SLC25A21: variants seen among roughly 807,000 people sequenced by gnomAD.
SLC25A21 encodes mitochondrial 2-oxodicarboxylate carrier.
SLC25A21 carries 47 observed loss-of-function variants against 43.8 expected under a neutral mutation model. The observed-to-expected ratio is 1.07, with a 90% CI of 0.85 to 1.37. The LOEUF is 1.37. SLC25A21 is among the 40% of genes most tolerant of loss of function. SLC25A21 has a pLI of 0.00. For synonymous variants in SLC25A21, 131 were observed against 121.3 expected, an observed-to-expected ratio of 1.08 and a Z score of -0.52; for missense variants, 352 against 350.2, an observed-to-expected ratio of 1.00 and a Z score of -0.04.
intron 7 of SLC25A21, among the ~76,000 whole-genome samples, chr14:36,693,509 A>C (rs1375997888): frequency 1.3e-5 from 2 of 152,238 alleles, no homozygotes; most frequent in Non-Finnish European, 2.9e-5. Context: ...AGTGAATGTA[A>C]AATTTTGAAT....
At chr14:36,829,370 C>T (rs1016761404) in intron 2 of SLC25A21, among the ~76,000 whole-genome samples, 1 of 152,122 alleles carries the variant, frequency 6.6e-6, no homozygotes, top group African/African-American at 2.4e-5. Flanking sequence ...GGTTCCTTCC[C>T]GCAAGGCTTC....
chr14:36,829,677 G>C (rs1888964083), intron 2 of SLC25A21, among the ~76,000 whole-genome samples: 1 of 150,114 alleles, frequency 6.7e-6, no homozygotes, highest in Non-Finnish European at 1.5e-5. Context: ...CAATTCTCTA[G>C]GAGGTTATCC....
intron 2 of SLC25A21, among the ~76,000 whole-genome samples, chr14:36,850,407 G>C (rs1412620852): frequency 4.6e-5 from 7 of 152,076 alleles, no homozygotes; most frequent in African/African-American, 4.8e-5. Context: ...TTCAAACCCA[G>C]GCTCGTTTTG....
intron 7 of SLC25A21, among the ~76,000 whole-genome samples, chr14:36,696,770 T>A (rs990579134): frequency 3.3e-5 from 5 of 152,242 alleles, no homozygotes; most frequent in Admixed American, 6.5e-5. Context: ...TTTATCATTT[T>A]TTATTGCATC....
chr14:37,014,479 G>C (rs1353523865), intron 1 of SLC25A21, among the ~76,000 whole-genome samples: 1 of 152,042 alleles, frequency 6.6e-6, no homozygotes, highest in Non-Finnish European at 1.5e-5. Flanking sequence ...TCCTGAGATT[G>C]AGCAATTCAC....
At chr14:36,897,207 G>A (rs1247421152) in intron 1 of SLC25A21, among the ~76,000 whole-genome samples, 1 of 152,114 alleles carries the variant, frequency 6.6e-6, no homozygotes, top group Non-Finnish European at 1.5e-5. Context: ...TTTTCACATA[G>A]TCCCATATTT....
chr14:36,749,113 T>C (rs1885608342), intron 3 of SLC25A21, among the ~76,000 whole-genome samples: 1 of 152,180 alleles, frequency 6.6e-6, no homozygotes, highest in African/African-American at 2.4e-5. Flanking sequence ...ATCTGGCTGT[T>C]TTCTGTACCT....
chr14:36,790,379 G>A (rs1308557382), intron 3 of SLC25A21, among the ~76,000 whole-genome samples: 1 of 151,940 alleles, frequency 6.6e-6, no homozygotes. Context: ...CACTCATTCT[G>A]CCTTCGAAGT....
intron 1 of SLC25A21, among the ~76,000 whole-genome samples, chr14:37,043,939 T>G (rs1172777519): frequency 1.4e-5 from 2 of 145,754 alleles, no homozygotes; most frequent in Admixed American, 1.4e-4. Context: ...TATGTTTTTT[T>G]GTTTTTTTTT....
chr14:36,769,977 C>G (rs1385686993), intron 3 of SLC25A21, among the ~76,000 whole-genome samples: 1 of 152,172 alleles, frequency 6.6e-6, no homozygotes, highest in Non-Finnish European at 1.5e-5. Context: ...ACTTTGGTAT[C>G]TTTGAGAGCG....
intron 3 of SLC25A21, among the ~76,000 whole-genome samples, chr14:36,794,368 C>T (rs990711025): frequency 2.0e-5 from 3 of 152,106 alleles, no homozygotes; most frequent in Admixed American, 6.5e-5. Context: ...TTAATAGACA[C>T]ACCACCAATA....
rs147648642 is a variant in SLC25A21, at chr14:36,728,527, C to A, written c.330+980G>T. Among the ~76,000 whole-genome samples, 338 of 152,298 alleles carry A rather than the reference C, an allele frequency of 2.2e-3. 2 individuals carry two copies. The highest frequency in any genetic ancestry group is 7.6e-3 in the African/African-American group (317 of 41,578). Reference sequence around the variant, plus strand: ...AGATTCATGGTATCACTGCTCCTCTCTAGGAAGCCATGTCTCCCAGCTATC... The same window carrying A: ...AGATTCATGGTATCACTGCTCCTCTATAGGAAGCCATGTCTCCCAGCTATC... On this transcript the variant is annotated intron_variant, in intron 5 of 9. Coordinates refer to ENST00000331299, the MANE Select transcript of SLC25A21 (RefSeq NM_030631.4).
chr14:37,172,091 C>T (rs538665419), intron 1 of SLC25A21, 190 bp downstream of exon 1: 8 of 597,758 alleles, frequency 1.3e-5, no homozygotes, highest in East Asian at 5.9e-5. Context: ...CTTGGGGCAC[C>T]CACTACTCGC....
intron 2 of SLC25A21, among the ~76,000 whole-genome samples, chr14:36,873,861 C>T (rs1216840742): frequency 1.3e-5 from 2 of 152,090 alleles, no homozygotes; most frequent in Non-Finnish European, 1.5e-5. Flanking sequence ...AGGCCCTCTA[C>T]AGTTAGGAAG....
intron 3 of SLC25A21, among the ~76,000 whole-genome samples, chr14:36,799,617 G>T (rs1464315484): frequency 6.6e-6 from 1 of 152,140 alleles, no homozygotes; most frequent in Admixed American, 6.6e-5. Flanking sequence ...AGTGAAAAAA[G>T]AAGAATTTAT....
At chr14:36,899,612 A>G (rs764348788) in intron 1 of SLC25A21, among the ~76,000 whole-genome samples, 16 of 152,230 alleles carry the variant, frequency 1.1e-4, no homozygotes, top group Non-Finnish European at 2.4e-4. Flanking sequence ...GTTTGGGAAC[A>G]TCAGTAACTG....
At chr14:37,036,816 C>T (rs574564655) in intron 1 of SLC25A21, among the ~76,000 whole-genome samples, 7 of 152,210 alleles carry the variant, frequency 4.6e-5, no homozygotes, top group Admixed American at 3.9e-4. Flanking sequence ...CTACATACAT[C>T]AGGGGAGAAG....
intron 1 of SLC25A21, among the ~76,000 whole-genome samples, chr14:37,151,296 T>A (rs1322785881): frequency 6.6e-6 from 1 of 152,198 alleles, no homozygotes; most frequent in East Asian, 1.9e-4. Context: ...ATTAGTTGTG[T>A]GCGAATTCAG....
intron 1 of SLC25A21, among the ~76,000 whole-genome samples, chr14:36,961,765 C>T (rs929426975): frequency 6.6e-6 from 1 of 152,054 alleles, no homozygotes; most frequent in Admixed American, 6.6e-5. Flanking sequence ...TTGCAAATGC[C>T]CTTTGCACAT....
Sources: gnomAD v4.1 joint callset for allele counts (sites outside exome capture counted in the v4.1 genomes callset) on GRCh38, gnomAD v4.1.1 for gene constraint, MANE v1.5 for transcripts, NCBI Gene and HGNC (gene_info 2026-07-23, HGNC 2026-07-21) for gene names.